Variants in ST8SIA1 observed in about 807,000 individuals in gnomAD.
The protein encoded by ST8SIA1 is alpha-N-acetylneuraminide alpha-2,8-sialyltransferase.
Under a neutral mutation model 35.9 loss-of-function variants are expected in ST8SIA1, and 16 were observed. That is an observed-to-expected ratio of 0.45 (90% CI 0.30 to 0.68). ST8SIA1 has a LOEUF of 0.68. Ranked by LOEUF, ST8SIA1 falls within the 30% of genes least tolerant of loss-of-function variation. The probability of loss-of-function intolerance (pLI) is 0.09; values close to 1 mark genes in which losing one functional copy is unlikely to be tolerated. For synonymous variants in ST8SIA1, 170 were observed against 169.6 expected, an observed-to-expected ratio of 1.00 and a Z score of -0.02; for missense variants, 383 against 453.6, an observed-to-expected ratio of 0.84 and a Z score of 1.41.
At chr12:22,329,632 C>G (rs1866733113) in intron 1 of ST8SIA1, among the ~76,000 whole-genome samples, 1 of 152,180 alleles carries the variant, frequency 6.6e-6, no homozygotes, top group Non-Finnish European at 1.5e-5. Context: ...TGCTCCTCCC[C>G]TCCACTCCCA....
intron 1 of ST8SIA1, among the ~76,000 whole-genome samples, chr12:22,296,437 A>G (rs1188427987): frequency 6.6e-6 from 1 of 152,096 alleles, no homozygotes; most frequent in Non-Finnish European, 1.5e-5. Flanking sequence ...CATATTTCTA[A>G]CATTTTCTCT....
chr12:22,291,839 G>A (rs144035132), intron 1 of ST8SIA1, among the ~76,000 whole-genome samples: 43 of 152,014 alleles, frequency 2.8e-4, no homozygotes, highest in African/African-American at 1.0e-3. Context: ...AAATTATGAG[G>A]AATTATTTAC....
chr12:22,241,669 C>T (rs1865543190), intron 4 of ST8SIA1, among the ~76,000 whole-genome samples: 1 of 142,962 alleles, frequency 7.0e-6, no homozygotes. Flanking sequence ...GTGGCGCGAT[C>T]TCTGCTCACT....
At chr12:22,270,473 T>C (rs1865899726) in intron 2 of ST8SIA1, among the ~76,000 whole-genome samples, 1 of 152,240 alleles carries the variant, frequency 6.6e-6, no homozygotes, top group African/African-American at 2.4e-5. Context: ...TTCCTTAAAG[T>C]GTCACATTTT....
rs200418996 is a variant in ST8SIA1, at chr12:22,209,747, TG to T, written c.585-7710del. On this transcript the variant is annotated intron_variant, in intron 4 of 4. Transcript: ENST00000396037. Reference sequence around the variant, plus strand: ...CTCTCATCTTTGTTTTCTTTCTGTATGTTTTTTTACAACATCTTTGTTGTAT... The same window carrying T: ...CTCTCATCTTTGTTTTCTTTCTGTATTTTTTTTACAACATCTTTGTTGTAT... 3.3e-5 allele frequency among the ~76,000 whole-genome samples: 5 copies of T among 152,312 alleles called. No homozygotes were observed. In the East Asian group the frequency reaches 7.7e-4, roughly 23 times the overall value.
rs1054446624 is a variant in ST8SIA1 at position 22,276,595 on chromosome 12, C to T, written c.381+10554G>A. 2.0e-5 allele frequency among the ~76,000 whole-genome samples: 3 copies of T among 152,058 alleles called. No individual in the cohort carries two copies. In the East Asian group the frequency reaches 5.8e-4, roughly 30 times the overall value. ...CTTTATTTTTAACTGTTTGCCACTGCCACCCCCACCCCTGCCCGACTCTGG... is the reference window on the plus strand; with the variant it reads ...CTTTATTTTTAACTGTTTGCCACTGTCACCCCCACCCCTGCCCGACTCTGG... On this transcript the variant is annotated intron_variant, in intron 2 of 4. Transcript: ENST00000396037.
intron 1 of ST8SIA1, among the ~76,000 whole-genome samples, chr12:22,310,970 A>G (rs1364065760): frequency 6.6e-6 from 1 of 152,198 alleles, no homozygotes; most frequent in Non-Finnish European, 1.5e-5. Flanking sequence ...AAAGAAAAAT[A>G]GAAGAACTGA....
chr12:22,276,933 T>C (rs1256142959), intron 2 of ST8SIA1, among the ~76,000 whole-genome samples: 1 of 152,042 alleles, frequency 6.6e-6, no homozygotes, highest in Non-Finnish European at 1.5e-5. Flanking sequence ...TCACCCATCA[T>C]AGCTACACTG....
chr12:22,334,208 G>A lies in ST8SIA1; in HGVS notation c.25C>T (p.Arg9Ter). 3 of 1,612,890 alleles carry A rather than the reference G, an allele frequency of 1.9e-6. No homozygotes were observed. The highest frequency in any genetic ancestry group is 2.7e-5 in the African/African-American group (2 of 75,010). The change falls in exon 1 of 5, where the codon CGA becomes TGA. Residue 9 changes from arginine (R) to a stop codon, truncating the protein, a stop_gained. Coordinates refer to ENST00000396037, the MANE Select transcript of ST8SIA1 (RefSeq NM_003034.4). LOFTEE classifies it high-confidence loss of function. The part of the protein sequence containing the change: MSPCGRAR[R>*]QTSRGAMAVL... The stretch of plus-strand genomic sequence containing the variant: ...GCCATGGCCCCTCTGGACGTTTGTC[G>A]CCGGGCCCGCCCGCAGGGGCTCATC...
intron 1 of ST8SIA1, among the ~76,000 whole-genome samples, chr12:22,319,593 G>A (rs184738283): frequency 5.4e-4 from 83 of 152,346 alleles, no homozygotes; most frequent in African/African-American, 1.9e-3. Context: ...AGTTGGGAGA[G>A]CCCCTGGACA....
intron 4 of ST8SIA1, among the ~76,000 whole-genome samples, chr12:22,241,598 A>ATTTT (rs71053392): frequency 1.2e-4 from 12 of 104,344 alleles, no homozygotes; most frequent in African/African-American, 3.6e-4. Flanking sequence ...AGACTCCGGT[A>ATTTT]TTTTTTTTTT....
chr12:22,274,669 T>A lies in ST8SIA1; in HGVS notation c.381+12480A>T, dbSNP rs898601712. Among the ~76,000 whole-genome samples the A allele has an allele frequency of 3.9e-5, 6 of 152,304 alleles. No individual in the cohort carries two copies. The East Asian group carries it at 1.2e-3, about 29-fold the overall frequency. On this transcript the variant is annotated intron_variant, in intron 2 of 4. Coordinates refer to ENST00000396037, the MANE Select transcript of ST8SIA1 (RefSeq NM_003034.4). ...GTCCTGCACACTTAGAGGGTGACTG[T>A]CCACACACCATCACACACGCCACGC... is the stretch of plus-strand genomic sequence containing the variant.
At chr12:22,308,738 C>T (rs1321593185) in intron 1 of ST8SIA1, among the ~76,000 whole-genome samples, 1 of 152,176 alleles carries the variant, frequency 6.6e-6, no homozygotes, top group Non-Finnish European at 1.5e-5. Flanking sequence ...TTCCTCATTA[C>T]TCATCCTGAT....
intron 1 of ST8SIA1, among the ~76,000 whole-genome samples, chr12:22,328,883 G>C (rs555184873): frequency 6.6e-6 from 1 of 152,266 alleles, no homozygotes; most frequent in East Asian, 1.9e-4. Context: ...AGGCTGATTT[G>C]CTCAAGAACA....
In ST8SIA1 at chr12:22,258,601, G is replaced by C. The variant is rs1326082944; in HGVS notation, c.382-3212C>G. ...CAACAGGAAGGTCACTGGTGACCTT[G>C]AAAAAGGTAGATTTAGTTCAGCGAT... On this transcript the variant is annotated intron_variant, in intron 2 of 4. Coordinates refer to ENST00000396037, the MANE Select transcript of ST8SIA1 (RefSeq NM_003034.4). Among the ~76,000 whole-genome samples, 3 of 152,172 alleles carry C rather than the reference G, an allele frequency of 2.0e-5. No homozygotes were observed. The South Asian group carries it at 6.2e-4, about 32-fold the overall frequency.
In ST8SIA1 at chr12:22,212,367, C is replaced by T. The variant is rs368047673; in HGVS notation, c.585-10329G>A. Among the ~76,000 whole-genome samples the T allele has an allele frequency of 3.3e-5, 5 of 152,282 alleles. No individual in the cohort carries two copies. The East Asian group carries it at 9.7e-4, about 29-fold the overall frequency. On this transcript the variant is annotated intron_variant, in intron 4 of 4. Transcript: ENST00000396037. ...GGACCATTTTCCATGTTCATGGCTGCTTACTGTCATTTTTCTGTCTCTGAG... is the reference window on the plus strand; with the variant it reads ...GGACCATTTTCCATGTTCATGGCTGTTTACTGTCATTTTTCTGTCTCTGAG...
intron 4 of ST8SIA1, among the ~76,000 whole-genome samples, chr12:22,207,252 A>T (rs1865120278): frequency 6.6e-6 from 1 of 152,206 alleles, no homozygotes; most frequent in Admixed American, 6.5e-5. Context: ...TTCCTGTAAT[A>T]AACTTTTTAT....
chr12:22,294,021 C>T (rs996522343), intron 1 of ST8SIA1, among the ~76,000 whole-genome samples: 2 of 151,970 alleles, frequency 1.3e-5, no homozygotes, highest in African/African-American at 2.4e-5. Context: ...CTGAAATAAT[C>T]AATTTTGAAG....
At chr12:22,231,130 T>C (rs1468311523) in intron 4 of ST8SIA1, among the ~76,000 whole-genome samples, 4 of 148,296 alleles carry the variant, frequency 2.7e-5, no homozygotes, top group Non-Finnish European at 4.5e-5. Context: ...CTTAATTATA[T>C]ATAAATATAT....
Sources: gnomAD v4.1 joint callset for allele counts (sites outside exome capture counted in the v4.1 genomes callset) on GRCh38, gnomAD v4.1.1 for gene constraint, MANE v1.5 for transcripts, NCBI Gene and HGNC (gene_info 2026-07-23, HGNC 2026-07-21) for gene names.